CAMKMT: variants seen among roughly 807,000 people sequenced by gnomAD.
CAMKMT encodes the protein CaM KMT.
Under a neutral mutation model 48.0 loss-of-function variants are expected in CAMKMT, and 53 were observed. The observed-to-expected ratio is 1.10, with a 90% CI of 0.89 to 1.39. The LOEUF (loss-of-function observed/expected upper bound fraction) is 1.39, where lower values mean the gene tolerates loss of function less well. CAMKMT is among the 40% of genes most tolerant of loss of function. CAMKMT has a pLI of 0.00. For missense variants in CAMKMT, 428 were observed against 402.7 expected, an observed-to-expected ratio of 1.06 and a Z score of -0.54; for synonymous variants, 165 against 152.3, an observed-to-expected ratio of 1.08 and a Z score of -0.61.
intron 2 of CAMKMT, among the ~76,000 whole-genome samples, chr2:44,378,767 C>G (rs576798033): frequency 2.7e-4 from 41 of 152,298 alleles, no homozygotes; most frequent in African/African-American, 9.4e-4. Flanking sequence ...GCTGGTATTA[C>G]AGGCGTGAGC....
At chr2:44,463,790 C>T (rs958807776) in intron 3 of CAMKMT, among the ~76,000 whole-genome samples, 2 of 152,208 alleles carry the variant, frequency 1.3e-5, no homozygotes, top group African/African-American at 4.8e-5. Flanking sequence ...GAAGATACAT[C>T]TCCCCATAAA....
chr2:44,606,217 C>G (rs1572904305), intron 3 of CAMKMT, among the ~76,000 whole-genome samples: 1 of 152,136 alleles, frequency 6.6e-6, no homozygotes, highest in African/African-American at 2.4e-5. Context: ...ATCCCCATTG[C>G]TGTCATAAAC....
chr2:44,752,439 C>T (rs574237326), intron 8 of CAMKMT, among the ~76,000 whole-genome samples: 1 of 152,288 alleles, frequency 6.6e-6, no homozygotes, highest in South Asian at 2.1e-4. Flanking sequence ...AGGAGCCCTT[C>T]TGCAGAGGCT....
At chr2:44,568,648 A>G (rs1337319506) in intron 3 of CAMKMT, among the ~76,000 whole-genome samples, 1 of 152,134 alleles carries the variant, frequency 6.6e-6, no homozygotes, top group African/African-American at 2.4e-5. Flanking sequence ...ACAGGAGAGG[A>G]AGGAGAAGGG....
At chr2:44,611,094 T>C (rs538743129) in intron 3 of CAMKMT, among the ~76,000 whole-genome samples, 1 of 152,270 alleles carries the variant, frequency 6.6e-6, no homozygotes, top group South Asian at 2.1e-4. Flanking sequence ...TCCCAATATG[T>C]TCCTGAAGGC....
chr2:44,439,417 A>G (rs1666496025), intron 3 of CAMKMT, among the ~76,000 whole-genome samples: 2 of 151,882 alleles, frequency 1.3e-5, no homozygotes, highest in South Asian at 2.1e-4. Flanking sequence ...CCCATTTCCA[A>G]TCTAGTTGTT....
At chr2:44,421,205 A>G (rs1683915064) in intron 3 of CAMKMT, among the ~76,000 whole-genome samples, 1 of 152,282 alleles carries the variant, frequency 6.6e-6, no homozygotes, top group African/African-American at 2.4e-5. Flanking sequence ...ATATTCTGCT[A>G]TTCATTTACT....
rs1229215088 is a variant in CAMKMT at position 44,405,901 on chromosome 2, GC to G, written c.376+15598del. ...GGTAATAATTAGAAAGGAGACTTTG[GC>G]CTTTTATATATTAATTCAGTATTCT... On this transcript the variant is annotated intron_variant, in intron 3 of 10. Coordinates refer to ENST00000378494, the MANE Select transcript of CAMKMT (RefSeq NM_024766.5). Among the ~76,000 whole-genome samples, 9 of 152,212 alleles carry G rather than the reference GC, an allele frequency of 5.9e-5. No homozygotes were observed. The East Asian group carries it at 1.7e-3, about 29-fold the overall frequency.
At chr2:44,424,400 G>T (rs1225228743) in intron 3 of CAMKMT, among the ~76,000 whole-genome samples, 1 of 152,028 alleles carries the variant, frequency 6.6e-6, no homozygotes, top group Non-Finnish European at 1.5e-5. Context: ...ATGTGAAAGG[G>T]CCGTGATACA....
chr2:44,580,829 C>A (rs1191577763), intron 3 of CAMKMT, among the ~76,000 whole-genome samples: 3 of 152,202 alleles, frequency 2.0e-5, no homozygotes, highest in Non-Finnish European at 1.5e-5. Context: ...TAGCATTGAT[C>A]TGCCCCGGTC....
At chr2:44,680,003 G>A (rs1675928965) in intron 3 of CAMKMT, among the ~76,000 whole-genome samples, 2 of 152,212 alleles carry the variant, frequency 1.3e-5, no homozygotes, top group Non-Finnish European at 2.9e-5. Flanking sequence ...TTCACACCAA[G>A]CCATTCCACG....
At chr2:44,560,025 C>G (rs1213594422) in intron 3 of CAMKMT, among the ~76,000 whole-genome samples, 1 of 152,138 alleles carries the variant, frequency 6.6e-6, no homozygotes, top group African/African-American at 2.4e-5. Flanking sequence ...TATTCATCAT[C>G]TGTATTATTA....
Position 44,644,867 on chromosome 2 carries a change from T to C in CAMKMT, c.377-59416T>C, listed in dbSNP as rs1310884748. ...ACATTTTTATGCTAGTGGTTTCTTA[T>C]GATTTTTTTAATTGTATGTGGTATT... On this transcript the variant is annotated intron_variant, in intron 3 of 10. Transcript: ENST00000378494. Among the ~76,000 whole-genome samples, 9 of 152,220 alleles carry C rather than the reference T, an allele frequency of 5.9e-5. No individual in the cohort carries two copies. In the South Asian group the frequency reaches 8.3e-4, roughly 14 times the overall value.
chr2:44,529,445 C>T, intron 3 of CAMKMT, among the ~76,000 whole-genome samples: 1 of 152,094 alleles, frequency 6.6e-6, no homozygotes, highest in East Asian at 1.9e-4. Context: ...TGAACTTTCA[C>T]AGGGGTTTAT....
At chr2:44,756,995 T>G (rs1022945111) in intron 9 of CAMKMT, among the ~76,000 whole-genome samples, 1 of 152,176 alleles carries the variant, frequency 6.6e-6, no homozygotes, top group Non-Finnish European at 1.5e-5. Flanking sequence ...ATTAACTACC[T>G]TGTCTCTCTG....
At chr2:44,605,200 TA>T (rs1671216321) in intron 3 of CAMKMT, among the ~76,000 whole-genome samples, 1 of 152,180 alleles carries the variant, frequency 6.6e-6, no homozygotes, top group Non-Finnish European at 1.5e-5. Context: ...GAATTTCACT[TA>T]AGGGGAAATC....
intron 2 of CAMKMT, among the ~76,000 whole-genome samples, chr2:44,381,395 A>G (rs1181458162): frequency 6.6e-6 from 1 of 152,216 alleles, no homozygotes; most frequent in African/African-American, 2.4e-5. Flanking sequence ...TATGAGAGAC[A>G]GAGAGGGAGA....
At position 44,598,435 on chromosome 2, in the gene CAMKMT, G is replaced by A. The variant is rs73927160; in HGVS notation, c.377-105848G>A. Among the ~76,000 whole-genome samples, 263 of 151,886 alleles carry A rather than the reference G, an allele frequency of 1.7e-3. 2 individuals carry two copies. The highest frequency in any genetic ancestry group is 5.7e-3 in the African/African-American group (234 of 41,362). On this transcript the variant is annotated intron_variant, in intron 3 of 10. Coordinates refer to ENST00000378494, the MANE Select transcript of CAMKMT (RefSeq NM_024766.5). ...AGTTTTCTCGTGGAATTGGTTGAAAGGCTTTATTCAACATTAAGATATATA... is the reference window on the plus strand; with the variant it reads ...AGTTTTCTCGTGGAATTGGTTGAAAAGCTTTATTCAACATTAAGATATATA...
At chr2:44,549,625 C>T in intron 3 of CAMKMT, 1 of 650,522 alleles carries the variant, frequency 1.5e-6, no homozygotes, top group Non-Finnish European at 2.8e-6. Context: ...CCTCAAACTC[C>T]TGAACTGCTC....
Sources: allele counts gnomAD v4.1 joint callset (sites outside exome capture counted in the v4.1 genomes callset), GRCh38; gene constraint gnomAD v4.1.1; transcripts MANE v1.5; gene names NCBI Gene and HGNC (gene_info 2026-07-23, HGNC 2026-07-21).